The following KCNQ3 variants were observed in gnomAD, a reference collection of about 807,000 sequenced individuals.
The protein encoded by KCNQ3 is potassium voltage-gated channel subfamily KQT member 3.
KCNQ3 carries 30 observed loss-of-function variants against 92.5 expected under a neutral mutation model. That is an observed-to-expected ratio of 0.32 (90% CI 0.24 to 0.44). The LOEUF (loss-of-function observed/expected upper bound fraction) is 0.44, where lower values mean the gene tolerates loss of function less well. KCNQ3 is among the 20% of genes least tolerant of loss of function. KCNQ3 has a pLI of 1.00. For missense variants in KCNQ3, 913 were observed against 1,140.3 expected (o/e 0.80, Z 2.87); for synonymous variants, 450 against 468.8 (o/e 0.96, Z 0.52).
rs200519334 is a variant in KCNQ3, at chr8:132,480,251, G to C, written c.282C>G (p.Ser94Arg). The stretch of plus-strand genomic sequence containing the variant: ...TGGCGTTGTTTCTCTTGACTGGGCG[G>C]CTCAGCGGGGTCTTGGCCAGGAGCC... ...GIGLLAKTPL[S>R]RPVKRNNAKY... The change falls in exon 1 of 15, where the codon AGC becomes AGG. Residue 94 changes from serine to arginine, a missense_variant. By Grantham distance (110) the Ser-to-Arg change is moderately radical. This residue lies in a region of KCNQ3 where 183 missense variants were observed against 167.7 expected (regional missense o/e 1.09). Transcript: ENST00000388996. 47 of 1,612,598 alleles carry C rather than the reference G, an allele frequency of 2.9e-5. No individual in the cohort carries two copies. Among genetic ancestry groups the C allele is most frequent in the Non-Finnish European group, 4.0e-5 (47 of 1,179,294 alleles).
intron 1 of KCNQ3, among the ~76,000 whole-genome samples, chr8:132,408,911 G>T (rs922447040): frequency 6.6e-6 from 1 of 152,194 alleles, no homozygotes. Flanking sequence ...CTGAGCCTCA[G>T]ATGAGATGCA....
chr8:132,238,248 C>T (rs1301174232), intron 1 of KCNQ3, among the ~76,000 whole-genome samples: 1 of 152,094 alleles, frequency 6.6e-6, no homozygotes, highest in African/African-American at 2.4e-5. Flanking sequence ...CAAAAACTCT[C>T]CCTCCTAGAT....
At chr8:132,394,457 T>C (rs1820139200) in intron 1 of KCNQ3, among the ~76,000 whole-genome samples, 1 of 152,142 alleles carries the variant, frequency 6.6e-6, no homozygotes, top group Admixed American at 6.5e-5. Context: ...CCCCCCAAAT[T>C]TTTTTTGAAA....
chr8:132,432,143 C>T (rs931921290), intron 1 of KCNQ3, among the ~76,000 whole-genome samples: 1 of 152,160 alleles, frequency 6.6e-6, no homozygotes, highest in African/African-American at 2.4e-5. Context: ...AACAGAAATT[C>T]ACATCCCCAG....
At chr8:132,430,974 T>C (rs1316577948) in intron 1 of KCNQ3, among the ~76,000 whole-genome samples, 2 of 152,112 alleles carry the variant, frequency 1.3e-5, no homozygotes, top group Admixed American at 6.5e-5. Context: ...CACTCACTCC[T>C]TCCAATTTTC....
At chr8:132,174,190 A>AG in intron 6 of KCNQ3, 49 bp downstream of exon 6, 1 of 1,323,654 alleles carries the variant, frequency 7.6e-7, no homozygotes, top group Non-Finnish European at 1.1e-6. Flanking sequence ...CCAGGCGGTA[A>AG]GGGGTCCTGC....
At chr8:132,429,955 G>A (rs926575572) in intron 1 of KCNQ3, among the ~76,000 whole-genome samples, 12 of 151,152 alleles carry the variant, frequency 7.9e-5, no homozygotes, top group Non-Finnish European at 1.6e-4. Flanking sequence ...CCAGAATCAA[G>A]TGCTCTAGTT....
rs911204438 is a variant in KCNQ3, at chr8:132,172,833, G to T, written c.1045-140C>A. Reference sequence around the variant, plus strand: ...TGACAACACTGTACAAAGAAGGGAAGGGGGAAAGAGCCCTTCCTTCTCTTG... The same window carrying T: ...TGACAACACTGTACAAAGAAGGGAATGGGGAAAGAGCCCTTCCTTCTCTTG... On this transcript the variant is annotated intron_variant, in intron 6 of 14. Transcript: ENST00000388996. 42 of 700,024 alleles carry T rather than the reference G, an allele frequency of 6.0e-5. 1 individual carries two copies. In the Middle Eastern group the frequency reaches 3.9e-3, roughly 66 times the overall value. 43.4% of individuals were successfully genotyped at this position (700,024 alleles called of 1,614,324 possible).
At chr8:132,196,343 T>C (rs1827296727) in intron 1 of KCNQ3, among the ~76,000 whole-genome samples, 1 of 152,212 alleles carries the variant, frequency 6.6e-6, no homozygotes, top group Admixed American at 6.5e-5. Flanking sequence ...TGTTCACCAG[T>C]CAACATTAGA....
chr8:132,219,147 T>C (rs73356984), intron 1 of KCNQ3, among the ~76,000 whole-genome samples: 2 of 152,124 alleles, frequency 1.3e-5, no homozygotes, highest in African/African-American at 2.4e-5. Context: ...GTTTCTAAAG[T>C]GTTTTTCCAC....
intron 1 of KCNQ3, chr8:132,277,961 C>T: frequency 1.0e-6 from 1 of 985,356 alleles, no homozygotes. Context: ...ATTCCACAAG[C>T]ATCTCACCTT....
chr8:132,344,839 G>A (rs1041217203), intron 1 of KCNQ3, among the ~76,000 whole-genome samples: 13 of 152,246 alleles, frequency 8.5e-5, no homozygotes, highest in Non-Finnish European at 1.9e-4. Context: ...GGAGGGGGCT[G>A]GGTGCTTTGC....
chr8:132,283,089 TC>T (rs1816577998), intron 1 of KCNQ3, among the ~76,000 whole-genome samples: 1 of 139,952 alleles, frequency 7.1e-6, no homozygotes, highest in Non-Finnish European at 1.5e-5. Flanking sequence ...TCTCTCTCTC[TC>T]TCGTGTGTGT....
intron 12 of KCNQ3, 111 bp from the exon 13 acceptor site, chr8:132,134,499 GGAGAGGAGAGGAGAGGAGAA>G: frequency 1.4e-6 from 1 of 718,900 alleles, no homozygotes; most frequent in Non-Finnish European, 2.4e-6. Flanking sequence ...ATATATAAGA[GGAGAGGAGAGGAGAGGAGAA>G]GTGAGGAGAG....
At chr8:132,379,490 A>T (rs528295360) in intron 1 of KCNQ3, among the ~76,000 whole-genome samples, 6 of 152,294 alleles carry the variant, frequency 3.9e-5, no homozygotes, top group African/African-American at 1.2e-4. Context: ...TTTTCTGTAC[A>T]TAACATGCAC....
At chr8:132,294,999 A>G (rs186415604) in intron 1 of KCNQ3, among the ~76,000 whole-genome samples, 1 of 152,256 alleles carries the variant, frequency 6.6e-6, no homozygotes, top group Admixed American at 6.5e-5. Flanking sequence ...AGGTTTCATG[A>G]CGAAAACATC....
intron 1 of KCNQ3, among the ~76,000 whole-genome samples, chr8:132,428,831 G>T (rs1043836928): frequency 6.6e-6 from 1 of 152,118 alleles, no homozygotes; most frequent in African/African-American, 2.4e-5. Flanking sequence ...TTTGGGGGAG[G>T]TTGACATATG....
At chr8:132,204,287 G>A (rs1337030703) in intron 1 of KCNQ3, among the ~76,000 whole-genome samples, 2 of 152,148 alleles carry the variant, frequency 1.3e-5, no homozygotes, top group Non-Finnish European at 2.9e-5. Flanking sequence ...ATGAAGGCAG[G>A]GTTTATTTGG....
At chr8:132,430,905 G>A (rs1475076441) in intron 1 of KCNQ3, among the ~76,000 whole-genome samples, 2 of 152,090 alleles carry the variant, frequency 1.3e-5, no homozygotes, top group Non-Finnish European at 2.9e-5. Flanking sequence ...CAATAGAGTC[G>A]CTCAGCATTG....
Sources: gnomAD v4.1 joint callset for allele counts (sites outside exome capture counted in the v4.1 genomes callset) on GRCh38, gnomAD v4.1.1 for gene constraint, gnomAD v4.1.1 regional missense constraint, MANE v1.5 for transcripts, NCBI Gene and HGNC (gene_info 2026-07-23, HGNC 2026-07-21) for gene names.